The following LRRC7 variants were observed in gnomAD, a reference collection of about 807,000 sequenced individuals.
LRRC7 encodes leucine-rich repeat-containing protein 7.
In LRRC7, 23 loss-of-function variants were observed where a neutral mutation model predicts 175.7. The ratio of observed to expected loss-of-function variants is 0.13; its 90% confidence interval spans 0.09 to 0.19. LRRC7 has a LOEUF of 0.19. Ranked by LOEUF, LRRC7 falls within the 10% of genes least tolerant of loss-of-function variation. The pLI is 1.00. For synonymous variants in LRRC7, 685 were observed against 680.9 expected (o/e 1.01, Z -0.09); for missense variants, 1,354 against 1,904.7 (o/e 0.71, Z 5.38).
At position 69,616,911 on chromosome 1, in the gene LRRC7, T is replaced by G. The variant is rs150861443; in HGVS notation, c.2+48270T>G. Among the ~76,000 whole-genome samples the G allele has an allele frequency of 7.3e-3, 1,109 of 152,204 alleles. 10 individuals carry two copies. The highest frequency in any genetic ancestry group is 0.025 in the African/African-American group (1,039 of 41,546). On this transcript the variant is annotated intron_variant, in intron 1 of 26. Coordinates refer to ENST00000651989, the MANE Select transcript of LRRC7 (RefSeq NM_001370785.2). Reference sequence around the variant, plus strand: ...ATGTTTTGAATATACTACTGGAAAGTGAGAGGAACGTATGTTCATAAAGAA... The same window carrying G: ...ATGTTTTGAATATACTACTGGAAAGGGAGAGGAACGTATGTTCATAAAGAA...
chr1:69,700,607 A>T (rs1663217345), intron 2 of LRRC7, among the ~76,000 whole-genome samples: 1 of 152,222 alleles, frequency 6.6e-6, no homozygotes, highest in Admixed American at 6.5e-5. Flanking sequence ...TAGCAATGCT[A>T]GCCCCAAAAG....
At chr1:69,687,005 T>C (rs1281850136) in intron 2 of LRRC7, among the ~76,000 whole-genome samples, 5 of 152,158 alleles carry the variant, frequency 3.3e-5, no homozygotes, top group Non-Finnish European at 7.4e-5. Context: ...TTACAAGGGA[T>C]AAAAAAGGTC....
intron 1 of LRRC7, among the ~76,000 whole-genome samples, chr1:69,594,725 G>A (rs1646770670): frequency 6.6e-6 from 1 of 152,066 alleles, no homozygotes; most frequent in African/African-American, 2.4e-5. Flanking sequence ...CATCTTAACT[G>A]ATCTCTCTGC....
At chr1:69,819,853 A>G (rs1027358658) in intron 4 of LRRC7, among the ~76,000 whole-genome samples, 7 of 152,118 alleles carry the variant, frequency 4.6e-5, no homozygotes, top group African/African-American at 1.7e-4. Context: ...TGTCTGAAAT[A>G]AGTACAGATA....
rs1422939187 is a variant in LRRC7 at position 70,124,380 on chromosome 1, A to G, written c.*2493A>G. Among the ~76,000 whole-genome samples, 4 of 152,020 alleles carry G rather than the reference A, an allele frequency of 2.6e-5. No individual in the cohort carries two copies. The highest frequency in any genetic ancestry group is 9.7e-5 in the African/African-American group (4 of 41,394). On this transcript the variant is annotated 3_prime_UTR_variant, in exon 27 of 27. Transcript: ENST00000651989. ...CTACTAAAAATACAAAAATTAGCTG[A>G]GCATGGTGGCGGGCACCTATAATCC...
At chr1:69,720,749 G>A (rs1029859225) in intron 2 of LRRC7, among the ~76,000 whole-genome samples, 11 of 151,594 alleles carry the variant, frequency 7.3e-5, no homozygotes, top group African/African-American at 2.7e-4. Flanking sequence ...CATCCTCTCT[G>A]TTAAGAACAG....
intron 1 of LRRC7, among the ~76,000 whole-genome samples, chr1:69,589,181 A>G (rs1157458096): frequency 6.6e-6 from 1 of 151,118 alleles, no homozygotes; most frequent in Non-Finnish European, 1.5e-5. Flanking sequence ...AGAGAGAGAG[A>G]CATGCTGTGG....
intron 7 of LRRC7, among the ~76,000 whole-genome samples, chr1:69,862,428 A>T (rs1047932299): frequency 1.3e-5 from 2 of 152,204 alleles, no homozygotes; most frequent in Non-Finnish European, 2.9e-5. Context: ...TGATTATTAT[A>T]GGGAGGAGTA....
At position 69,906,473 on chromosome 1, in the gene LRRC7, C is replaced by T. The variant is rs540812737; in HGVS notation, c.648-25034C>T. On this transcript the variant is annotated intron_variant, in intron 7 of 26. Coordinates refer to ENST00000651989, the MANE Select transcript of LRRC7 (RefSeq NM_001370785.2). ...GAAGGGATCCAGTTTCACCTTTCTA[C>T]ATATGGCCAGCCAGTTTTCCCAGCA... Among the ~76,000 whole-genome samples the T allele has an allele frequency of 2.6e-5, 4 of 152,310 alleles. No homozygotes were observed. The South Asian group carries it at 8.3e-4, about 32-fold the overall frequency.
intron 7 of LRRC7, among the ~76,000 whole-genome samples, chr1:69,881,521 A>C (rs1434769207): frequency 6.6e-6 from 1 of 152,166 alleles, no homozygotes; most frequent in African/African-American, 2.4e-5. Flanking sequence ...AGGCAACAAA[A>C]GAAAAACAAA....
intron 2 of LRRC7, among the ~76,000 whole-genome samples, chr1:69,692,868 C>T (rs1349655105): frequency 6.6e-6 from 1 of 152,172 alleles, no homozygotes; most frequent in African/African-American, 2.4e-5. Context: ...GTTGGTAGCC[C>T]TCCCTAATAT....
intron 1 of LRRC7, among the ~76,000 whole-genome samples, chr1:69,667,937 T>A (rs1658508684): frequency 6.6e-6 from 1 of 152,196 alleles, no homozygotes; most frequent in Non-Finnish European, 1.5e-5. Context: ...CTGGTGATAT[T>A]ATTTAATTCA....
At chr1:69,881,458 T>G (rs1686590448) in intron 7 of LRRC7, among the ~76,000 whole-genome samples, 1 of 152,192 alleles carries the variant, frequency 6.6e-6, no homozygotes, top group Non-Finnish European at 1.5e-5. Flanking sequence ...ATCATTCAAC[T>G]AATATGCGTA....
chr1:69,744,427 T>C (rs1669043331), intron 2 of LRRC7, among the ~76,000 whole-genome samples: 1 of 151,898 alleles, frequency 6.6e-6, no homozygotes, highest in South Asian at 2.1e-4. Context: ...AGGAAAATAG[T>C]TGTCACTAGT....
intron 2 of LRRC7, among the ~76,000 whole-genome samples, chr1:69,756,355 T>C (rs1240884336): frequency 6.6e-6 from 1 of 151,806 alleles, no homozygotes; most frequent in Non-Finnish European, 1.5e-5. Flanking sequence ...ATGAAGAACT[T>C]ATCAATTAAA....
chr1:69,777,776 CTG>C (rs1353439701), intron 3 of LRRC7, among the ~76,000 whole-genome samples: 4 of 152,200 alleles, frequency 2.6e-5, no homozygotes, highest in Admixed American at 6.5e-5. Flanking sequence ...TGACTGAAGC[CTG>C]TGTCAGACCT....
At chr1:69,775,114 C>T (rs1337750833) in intron 3 of LRRC7, among the ~76,000 whole-genome samples, 2 of 152,116 alleles carry the variant, frequency 1.3e-5, no homozygotes, top group African/African-American at 4.8e-5. Flanking sequence ...AATATAATAG[C>T]ACTTCCTTTT....
At chr1:69,648,836 T>C (rs559356106) in intron 1 of LRRC7, among the ~76,000 whole-genome samples, 23 of 152,234 alleles carry the variant, frequency 1.5e-4, no homozygotes, top group Non-Finnish European at 3.4e-4. Context: ...TTAGTAACAC[T>C]GTGAGACACT....
chr1:70,066,639 A>G (rs924989718), intron 23 of LRRC7, among the ~76,000 whole-genome samples: 14 of 152,012 alleles, frequency 9.2e-5, no homozygotes, highest in African/African-American at 3.4e-4. Context: ...ATGGAAGGAT[A>G]TCTGGGTTAT....
Sources: gnomAD v4.1 joint callset for allele counts (sites outside exome capture counted in the v4.1 genomes callset) on GRCh38, gnomAD v4.1.1 for gene constraint, MANE v1.5 for transcripts, NCBI Gene and HGNC (gene_info 2026-07-23, HGNC 2026-07-21) for gene names.